Variants in PAM observed in about 807,000 individuals in gnomAD.
The protein encoded by PAM is peptidylglycine alpha-amidating monooxygenase, also known as peptidyl-glycine alpha-amidating monooxygenase.
In PAM, 72 loss-of-function variants were observed where a neutral mutation model predicts 122.1. The ratio of observed to expected loss-of-function variants is 0.59; its 90% confidence interval spans 0.49 to 0.72. The LOEUF (loss-of-function observed/expected upper bound fraction) is 0.72. Among genes scored for constraint, PAM ranks in the 30% least tolerant of loss-of-function variants. The probability of loss-of-function intolerance (pLI) is 0.00; values close to 1 mark genes in which losing one functional copy is unlikely to be tolerated. For synonymous variants in PAM, 389 were observed against 404.4 expected (o/e 0.96, Z 0.46); for missense variants, 1,106 against 1,183.7 (o/e 0.93, Z 0.96).
chr5:102,818,713 G>T (rs1006352080), intron 1 of PAM, among the ~76,000 whole-genome samples: 2 of 152,156 alleles, frequency 1.3e-5, no homozygotes, highest in African/African-American at 4.8e-5. Context: ...CACCAGTCAT[G>T]CAAGGTCTTG....
At chr5:102,972,030 A>G (rs140815604) in intron 14 of PAM, among the ~76,000 whole-genome samples, 6 of 152,272 alleles carry the variant, frequency 3.9e-5, no homozygotes, top group African/African-American at 1.4e-4. Flanking sequence ...CTAACCCAAT[A>G]ACAATTTTAA....
intron 5 of PAM, among the ~76,000 whole-genome samples, chr5:102,920,987 G>A (rs886592273): frequency 3.9e-5 from 6 of 152,066 alleles, no homozygotes; most frequent in Non-Finnish European, 8.8e-5. Context: ...AAATATTCAT[G>A]CCATCTGAAT....
At chr5:102,776,164 G>T (rs552308561) in intron 1 of PAM, among the ~76,000 whole-genome samples, 4 of 151,992 alleles carry the variant, frequency 2.6e-5, no homozygotes, top group Middle Eastern at 3.4e-3. Flanking sequence ...TTCAAGTCTT[G>T]TGCCCACTTT....
intron 5 of PAM, among the ~76,000 whole-genome samples, chr5:102,921,006 C>T (rs1391315568): frequency 2.6e-5 from 4 of 152,028 alleles, no homozygotes; most frequent in African/African-American, 4.8e-5. Context: ...ATGGTTTCCC[C>T]GTGGATTAGA....
chr5:102,855,255 T>A (rs1391700747), intron 1 of PAM, among the ~76,000 whole-genome samples: 2 of 152,154 alleles, frequency 1.3e-5, no homozygotes, highest in Non-Finnish European at 2.9e-5. Flanking sequence ...AAGAAAAATT[T>A]CCATATGTTT....
chr5:102,804,536 G>T (rs1765713858), intron 1 of PAM, among the ~76,000 whole-genome samples: 1 of 152,144 alleles, frequency 6.6e-6, no homozygotes, highest in Non-Finnish European at 1.5e-5. Context: ...AAGTCAGTAT[G>T]AATTAGTTTT....
chr5:102,857,996 A>G (rs775778277), intron 1 of PAM, among the ~76,000 whole-genome samples: 26 of 152,300 alleles, frequency 1.7e-4, no homozygotes, highest in Non-Finnish European at 3.2e-4. Context: ...TCACTGTGTA[A>G]CCAGAACAAG....
At chr5:102,823,286 A>G (rs1163553104) in intron 1 of PAM, among the ~76,000 whole-genome samples, 1 of 152,192 alleles carries the variant, frequency 6.6e-6, no homozygotes, top group Non-Finnish European at 1.5e-5. Context: ...TAAAATCACA[A>G]TGTTTACTTA....
chr5:102,802,450 A>C (rs1765033201), intron 1 of PAM, among the ~76,000 whole-genome samples: 1 of 152,166 alleles, frequency 6.6e-6, no homozygotes, highest in South Asian at 2.1e-4. Context: ...TCAGTCTATT[A>C]CATAGACTGA....
rs2230458 is a variant in PAM, at chr5:102,867,328, G to C, written c.145G>C (p.Val49Leu). The change falls in exon 3 of 26, where the codon GTA becomes CTA. Residue 49 changes from valine to leucine, a missense_variant. By Grantham distance (32) the Val-to-Leu change is conservative. Transcript: ENST00000438793. Reference sequence around the variant, plus strand: ...TGAATGTCTTGGTACCACCAGACCCGTAGTTCCTATTGATTCATCAGATTT... The same window carrying C: ...TGAATGTCTTGGTACCACCAGACCCCTAGTTCCTATTGATTCATCAGATTT... The part of the protein sequence containing the change: ...SNECLGTTRP[V>L]VPIDSSDFAL... 19,976 of 1,600,974 alleles carry C rather than the reference G, an allele frequency of 0.012. 157 individuals are homozygous for C. Among genetic ancestry groups the C allele is most frequent in the Non-Finnish European group, 0.015 (17,459 of 1,168,204 alleles).
At chr5:102,990,230 G>T in intron 15 of PAM, 42 bp from the exon 16 acceptor site, 1 of 1,438,468 alleles carries the variant, frequency 7.0e-7, no homozygotes, top group Non-Finnish European at 9.3e-7. Flanking sequence ...GAGGCAATTC[G>T]ACCTTTCCCT....
At chr5:102,852,222 T>G (rs1188610116) in intron 1 of PAM, among the ~76,000 whole-genome samples, 2 of 152,204 alleles carry the variant, frequency 1.3e-5, no homozygotes, top group African/African-American at 2.4e-5. Context: ...TTCTTTTAAG[T>G]ATCTGATATA....
intron 5 of PAM, among the ~76,000 whole-genome samples, chr5:102,923,195 C>T (rs576695697): frequency 7.9e-5 from 12 of 152,342 alleles, no homozygotes; most frequent in African/African-American, 2.6e-4. Context: ...TGTCTGCACT[C>T]ATTGCCTATC....
chr5:102,934,051 C>T (rs1292146538), intron 7 of PAM, among the ~76,000 whole-genome samples: 5 of 152,140 alleles, frequency 3.3e-5, no homozygotes, highest in Admixed American at 6.6e-5. Flanking sequence ...CACTCCGCTG[C>T]GAAGTGCACA....
intron 1 of PAM, among the ~76,000 whole-genome samples, chr5:102,783,899 C>G (rs930548708): frequency 5.3e-5 from 8 of 151,810 alleles, no homozygotes; most frequent in African/African-American, 1.9e-4. Context: ...TGATCTACCC[C>G]CATCTTTTTT....
At chr5:102,799,095 G>A (rs1258558523) in intron 1 of PAM, among the ~76,000 whole-genome samples, 4 of 152,184 alleles carry the variant, frequency 2.6e-5, no homozygotes, top group Non-Finnish European at 4.4e-5. Context: ...GAAGAATAGG[G>A]TAGGTGATGC....
intron 11 of PAM, 104 bp from the exon 12 acceptor site, chr5:102,950,613 C>A: frequency 1.4e-6 from 1 of 695,170 alleles, no homozygotes; most frequent in Non-Finnish European, 2.5e-6. Flanking sequence ...TGATTAAACC[C>A]TCAAAAAAGG....
chr5:103,009,110 CCA>C (rs1779892713), intron 20 of PAM, among the ~76,000 whole-genome samples: 1 of 152,028 alleles, frequency 6.6e-6, no homozygotes, highest in Non-Finnish European at 1.5e-5. Context: ...GTAAACATCA[CCA>C]TTTTCATTGT....
Position 102,827,815 on chromosome 5 carries a change from T to C in PAM, c.-373-38008T>C, listed in dbSNP as rs1431925220. ...CATTCTCCTGCCTCAGCCTCCCGAG[T>C]AGCTGGGACTACAGGCGCCCGCCAC... is the stretch of plus-strand genomic sequence containing the variant. On this transcript the variant is annotated intron_variant, in intron 1 of 25. Coordinates refer to ENST00000438793, the MANE Select transcript of PAM (RefSeq NM_001177306.2). Among the ~76,000 whole-genome samples, 4 of 72,760 alleles carry C rather than the reference T, an allele frequency of 5.5e-5. 1 individual carries two copies. Among genetic ancestry groups the C allele is most frequent in the Non-Finnish European group, 1.0e-4 (4 of 40,186 alleles). 47.7% of individuals were successfully genotyped at this position (72,760 alleles called of 152,430 possible).
Sources: gnomAD v4.1 joint callset for allele counts (sites outside exome capture counted in the v4.1 genomes callset) on GRCh38, gnomAD v4.1.1 for gene constraint, MANE v1.5 for transcripts, NCBI Gene and HGNC (gene_info 2026-07-23, HGNC 2026-07-21) for gene names.